The following DPP6 variants were observed in gnomAD, a reference collection of about 807,000 sequenced individuals.
The protein encoded by DPP6 is dipeptidyl peptidase like 6.
DPP6 carries 69 observed loss-of-function variants against 122.6 expected under a neutral mutation model. The ratio of observed to expected loss-of-function variants is 0.56; its 90% CI spans 0.46 to 0.69. DPP6 has a LOEUF of 0.69. Ranked by LOEUF, DPP6 falls within the 30% of genes least tolerant of loss-of-function variation. The probability of loss-of-function intolerance (pLI) is 0.00; values close to 1 mark genes in which losing one functional copy is unlikely to be tolerated. For missense variants in DPP6, 928 were observed against 1,116.9 expected, an observed-to-expected ratio of 0.83 and a Z score of 2.41; for synonymous variants, 418 against 433.1, an observed-to-expected ratio of 0.97 and a Z score of 0.43.
chr7:154,322,531 T>C (rs554495159), intron 1 of DPP6, among the ~76,000 whole-genome samples: 1 of 152,208 alleles, frequency 6.6e-6, no homozygotes, highest in Non-Finnish European at 1.5e-5. Flanking sequence ...TTTCCAATGA[T>C]CTTAGGCAAT....
intron 5 of DPP6, among the ~76,000 whole-genome samples, chr7:154,597,021 A>G (rs962841425): frequency 1.3e-5 from 2 of 152,190 alleles, no homozygotes; most frequent in Admixed American, 6.5e-5. Flanking sequence ...GAAGTCCAGA[A>G]GAAGAAGTCA....
At chr7:153,751,404 T>G in the DPP6 span, among the ~76,000 whole-genome samples, 1 of 150,396 alleles carries the variant, frequency 6.6e-6, no homozygotes, top group African/African-American at 2.5e-5. Flanking sequence ...GTTAGCCTTC[T>G]TTTAGATGTG....
chr7:153,796,453 G>A, the DPP6 span, among the ~76,000 whole-genome samples: 6 of 148,978 alleles, frequency 4.0e-5, no homozygotes, highest in African/African-American at 1.5e-4. Flanking sequence ...TTAATGTGAT[G>A]TTTGGTGAAT....
intron 1 of DPP6, among the ~76,000 whole-genome samples, chr7:154,334,964 T>C (rs953561292): frequency 3.5e-4 from 54 of 152,202 alleles, no homozygotes; most frequent in Non-Finnish European, 4.6e-4. Flanking sequence ...AGCTTATTTC[T>C]GCCTCAAAGC....
At chr7:154,558,111 C>CA (rs1407723608) in intron 4 of DPP6, among the ~76,000 whole-genome samples, 60 of 152,096 alleles carry the variant, frequency 3.9e-4, no homozygotes, top group African/African-American at 1.2e-3. Flanking sequence ...CCTCCACCCC[C>CA]CCACAGGCCC....
At chr7:154,150,782 C>T (rs919469983) in intron 1 of DPP6, among the ~76,000 whole-genome samples, 5 of 152,206 alleles carry the variant, frequency 3.3e-5, no homozygotes, top group African/African-American at 7.2e-5. Flanking sequence ...TTCATGCAGA[C>T]GCGGACTCTG....
chr7:154,563,907 G>A (rs570763281), intron 4 of DPP6, among the ~76,000 whole-genome samples: 17 of 152,252 alleles, frequency 1.1e-4, no homozygotes, highest in Admixed American at 8.5e-4. Context: ...GCCAGACTGC[G>A]CATGGTTTTT....
In DPP6 at chr7:154,718,115, T is replaced by C. The variant is rs532100962; in HGVS notation, c.763-9652T>C. Reference sequence around the variant, plus strand: ...AATCAAATGATTTGGTTTTTGCTATTGAGTTGTTTGAGTTCCTTATGTATT... The same window carrying C: ...AATCAAATGATTTGGTTTTTGCTATCGAGTTGTTTGAGTTCCTTATGTATT... On this transcript the variant is annotated intron_variant, in intron 7 of 25. Coordinates refer to ENST00000377770, the MANE Select transcript of DPP6 (RefSeq NM_130797.4). Among the ~76,000 whole-genome samples, 99 of 152,330 alleles carry C rather than the reference T, an allele frequency of 6.5e-4. 1 individual carries two copies. The highest frequency in any genetic ancestry group is 2.1e-3 in the African/African-American group (89 of 41,570).
At chr7:153,914,823 G>A (rs1257048344) in intron 1 of DPP6, among the ~76,000 whole-genome samples, 3 of 152,206 alleles carry the variant, frequency 2.0e-5, no homozygotes, top group African/African-American at 7.2e-5. Flanking sequence ...GCATGGTCAA[G>A]TATAAAACAG....
rs191072448 is a variant in DPP6, at chr7:154,120,424, T to G, written c.243+67361T>G. ...CATGCCCAGCTAATTTTTTTTATTT[T>G]TAGTAGAGACGGGGTTTCACCATGT... On this transcript the variant is annotated intron_variant, in intron 1 of 25. Coordinates refer to ENST00000377770, the MANE Select transcript of DPP6 (RefSeq NM_130797.4). Among the ~76,000 whole-genome samples the G allele has an allele frequency of 1.0e-3, 152 of 152,216 alleles. 1 individual carries two copies. Among genetic ancestry groups the G allele is most frequent in the African/African-American group, 3.5e-3 (147 of 41,538 alleles).
At chr7:153,752,496 A>C in the DPP6 span, among the ~76,000 whole-genome samples, 1 of 151,166 alleles carries the variant, frequency 6.6e-6, no homozygotes, top group African/African-American at 2.4e-5. Flanking sequence ...CAATCCACCC[A>C]CCTGGGCCTC....
intron 22 of DPP6, 73 bp downstream of exon 22, chr7:154,885,817 C>G: frequency 1.3e-6 from 2 of 1,533,918 alleles, no homozygotes; most frequent in Non-Finnish European, 8.8e-7. Context: ...CGTGGCCCCA[C>G]AGCCCTCCCT....
In DPP6 at chr7:154,061,523, G is replaced by C. The variant is rs370541397; in HGVS notation, c.243+8460G>C. On this transcript the variant is annotated intron_variant, in intron 1 of 25. Coordinates refer to ENST00000377770, the MANE Select transcript of DPP6 (RefSeq NM_130797.4). ...TGCTAGTACAAGAAGCAAATAAGCT[G>C]ATTCTTGGGCAAAACCTGAACATAA... is the stretch of plus-strand genomic sequence containing the variant. 9.2e-3 allele frequency among the ~76,000 whole-genome samples: 1,251 copies of C among 136,666 alleles called. 20 individuals carry two copies. Among genetic ancestry groups the C allele is most frequent in the Admixed American group, 0.014 (190 of 13,704 alleles). The allele number at this position is 136,666 out of a possible 152,430, so 89.7% of individuals were successfully genotyped here.
chr7:154,734,659 T>G (rs1291308557), intron 8 of DPP6, among the ~76,000 whole-genome samples: 2 of 152,230 alleles, frequency 1.3e-5, no homozygotes, highest in Non-Finnish European at 2.9e-5. Flanking sequence ...GACATCACTC[T>G]CAGTAAATTG....
At chr7:154,005,836 T>A (rs1409466366) in intron 1 of DPP6, among the ~76,000 whole-genome samples, 1 of 152,040 alleles carries the variant, frequency 6.6e-6, no homozygotes, top group Non-Finnish European at 1.5e-5. Flanking sequence ...CATGAGCTTC[T>A]AAGCTTTGCA....
chr7:154,583,762 A>G (rs1394149962), intron 5 of DPP6, among the ~76,000 whole-genome samples: 1 of 152,050 alleles, frequency 6.6e-6, no homozygotes, highest in Non-Finnish European at 1.5e-5. Flanking sequence ...TCTGTTCTGG[A>G]CCTCTGACTC....
intron 7 of DPP6, among the ~76,000 whole-genome samples, chr7:154,700,453 G>A (rs1840455203): frequency 6.6e-6 from 1 of 152,216 alleles, no homozygotes; most frequent in Non-Finnish European, 1.5e-5. Flanking sequence ...TGGAGTGACA[G>A]GAGAAGGTTT....
At chr7:154,005,706 G>C (rs1490680894) in intron 1 of DPP6, among the ~76,000 whole-genome samples, 2 of 140,302 alleles carry the variant, frequency 1.4e-5, no homozygotes, top group Admixed American at 1.5e-4. Flanking sequence ...GGGCTGGGGG[G>C]CTGTGGGGGC....
At chr7:153,797,035 C>G in the DPP6 span, among the ~76,000 whole-genome samples, 3 of 152,292 alleles carry the variant, frequency 2.0e-5, no homozygotes, top group Non-Finnish European at 4.4e-5. Context: ...GAGGGGCCCA[C>G]ATGACAAGGA....
Sources: allele counts gnomAD v4.1 joint callset (sites outside exome capture counted in the v4.1 genomes callset), GRCh38; gene constraint gnomAD v4.1.1; transcripts MANE v1.5; gene names NCBI Gene and HGNC (gene_info 2026-07-23, HGNC 2026-07-21).